RANBP9: variants seen among roughly 807,000 people sequenced by gnomAD.
RANBP9 encodes the protein RAN binding protein 9, also known as ran-binding protein 9.
Under a neutral mutation model 84.3 loss-of-function variants are expected in RANBP9, and 15 were observed. That is an observed-to-expected ratio of 0.18 (90% confidence interval 0.12 to 0.27). The LOEUF (loss-of-function observed/expected upper bound fraction) is 0.27. Ranked by LOEUF, RANBP9 falls within the 10% of genes least tolerant of loss-of-function variation. RANBP9 has a pLI of 1.00. For missense variants in RANBP9, 809 were observed against 912.8 expected, an observed-to-expected ratio of 0.89 and a Z score of 1.46; for synonymous variants, 392 against 349.6, an observed-to-expected ratio of 1.12 and a Z score of -1.35.
chr6:13,625,882 T>C lies in RANBP9; in HGVS notation c.1948-118A>G, dbSNP rs1391528424. 5 of 654,996 alleles carry C rather than the reference T, an allele frequency of 7.6e-6. No homozygotes were observed. In the East Asian group the frequency reaches 1.1e-4, roughly 14 times the overall value. 40.6% of individuals were successfully genotyped at this position (654,996 alleles called of 1,614,324 possible). On this transcript the variant is annotated intron_variant, in intron 12 of 13. Transcript: ENST00000011619. ...AGGCACAGACTAATAATGTAAACTT[T>C]AAACCCATTTACTCCCAGCACTGGG...
intron 1 of RANBP9, among the ~76,000 whole-genome samples, chr6:13,697,421 T>C (rs570879030): frequency 6.6e-6 from 1 of 152,362 alleles, no homozygotes; most frequent in African/African-American, 2.4e-5. Context: ...TTCTTTGGTA[T>C]AGTCTTATTA....
intron 13 of RANBP9, 117 bp from the exon 14 acceptor site, chr6:13,622,609 A>G: frequency 2.7e-6 from 3 of 1,091,398 alleles, no homozygotes; most frequent in East Asian, 2.8e-5. Flanking sequence ...CCACTCTGAA[A>G]TATCAGCAAA....
chr6:13,634,305 T>A (rs1764877065), intron 11 of RANBP9, 126 bp downstream of exon 11: 2 of 1,189,290 alleles, frequency 1.7e-6, no homozygotes, highest in Non-Finnish European at 2.3e-6. Context: ...TGCATTACTG[T>A]CAAGTCCTAC....
chr6:13,622,223 A>C lies in RANBP9; in HGVS notation c.*139T>G, dbSNP rs1184367202. On this transcript the variant is annotated 3_prime_UTR_variant, in exon 14 of 14. Coordinates refer to ENST00000011619, the MANE Select transcript of RANBP9 (RefSeq NM_005493.3). ...AGAAAATCATTTGCATCATGCTGTA[A>C]ACTAGGAAGCAATGTAAAGCGACAA... 3 of 830,574 alleles carry C rather than the reference A, an allele frequency of 3.6e-6. No individual in the cohort carries two copies. The highest frequency in any genetic ancestry group is 5.0e-6 in the Non-Finnish European group (3 of 604,802). The allele number at this position is 830,574 out of a possible 1,614,324, so 51.5% of individuals were successfully genotyped here. A position where few individuals can be genotyped will look rare whatever the true frequency, so the allele number is the denominator to read the frequency against.
chr6:13,703,224 C>CCAGA lies in RANBP9; in HGVS notation c.572-6329_572-6328insTCTG, dbSNP rs752221769. 3.3e-5 allele frequency among the ~76,000 whole-genome samples: 5 copies of CCAGA among 152,314 alleles called. No individual in the cohort carries two copies. In the South Asian group the frequency reaches 8.3e-4, roughly 25 times the overall value. On this transcript the variant is annotated intron_variant, in intron 1 of 13. Transcript: ENST00000011619. ...AATCTCCTTGATGTCTGGGGACCTA[C>CCAGA]CATTTCTTTTGTGCTCCCTCTAGTC...
chr6:13,693,421 C>G (rs558228237), intron 2 of RANBP9, among the ~76,000 whole-genome samples: 30 of 152,132 alleles, frequency 2.0e-4, no homozygotes, highest in Non-Finnish European at 3.4e-4. Context: ...GTGCTAAGAT[C>G]AACAGGAACT....
chr6:13,690,877 T>C (rs988035512), intron 2 of RANBP9, among the ~76,000 whole-genome samples: 1 of 152,046 alleles, frequency 6.6e-6, no homozygotes, highest in Non-Finnish European at 1.5e-5. Flanking sequence ...CTAAAGAAGT[T>C]ATGCAGGGCC....
intron 1 of RANBP9, among the ~76,000 whole-genome samples, chr6:13,704,446 G>A (rs938811792): frequency 2.6e-5 from 4 of 152,030 alleles, no homozygotes; most frequent in Non-Finnish European, 5.9e-5. Flanking sequence ...TGGGCAACAT[G>A]GCAAAACCCC....
chr6:13,658,986 C>A (rs1399388775), intron 2 of RANBP9, among the ~76,000 whole-genome samples, 154 bp from the exon 3 acceptor site: 1 of 152,078 alleles, frequency 6.6e-6, no homozygotes, highest in Non-Finnish European at 1.5e-5. Flanking sequence ...TATGTAACAA[C>A]AACGGGCAAT....
At position 13,626,930 on chromosome 6, in the gene RANBP9, AAAG is replaced by A. The variant is rs546422224; in HGVS notation, c.1948-1169_1948-1167del. ...AATAAGCCTCTAATATTGTGGATTTAAAGAAGAATAACCCATGAAGAAATGCTG... is the reference window on the plus strand; with the variant it reads ...AATAAGCCTCTAATATTGTGGATTTAAAGAATAACCCATGAAGAAATGCTG... On this transcript the variant is annotated intron_variant, in intron 12 of 13. Transcript: ENST00000011619. Among the ~76,000 whole-genome samples, 20 of 152,310 alleles carry A rather than the reference AAAG, an allele frequency of 1.3e-4. No homozygotes were observed. The South Asian group carries it at 2.1e-3, about 16-fold the overall frequency.
intron 2 of RANBP9, among the ~76,000 whole-genome samples, chr6:13,688,404 C>G (rs1344705145): frequency 6.6e-6 from 1 of 152,176 alleles, no homozygotes; most frequent in African/African-American, 2.4e-5. Context: ...CTTCCCTGAT[C>G]ACCACCCTGT....
intron 5 of RANBP9, among the ~76,000 whole-genome samples, chr6:13,647,658 G>A (rs370243374): frequency 1.3e-5 from 2 of 152,214 alleles, no homozygotes; most frequent in Middle Eastern, 6.8e-3. Flanking sequence ...TAGCCAAAGA[G>A]ACTGGGATTA....
At chr6:13,660,603 AG>A (rs1432278282) in intron 2 of RANBP9, among the ~76,000 whole-genome samples, 2 of 152,366 alleles carry the variant, frequency 1.3e-5, no homozygotes, top group East Asian at 3.9e-4. Flanking sequence ...ATATTCCAAC[AG>A]AAGTTTTAAA....
chr6:13,650,582 G>A (rs62387399), intron 5 of RANBP9, among the ~76,000 whole-genome samples: 5,698 of 152,224 alleles, frequency 0.037, 157 homozygotes, highest in Non-Finnish European at 0.058. Flanking sequence ...TCTTGGGACT[G>A]AGTTGCTTTT....
At chr6:13,659,018 G>T (rs962582551) in intron 2 of RANBP9, among the ~76,000 whole-genome samples, 186 bp from the exon 3 acceptor site, 2 of 152,092 alleles carry the variant, frequency 1.3e-5, no homozygotes, top group Admixed American at 6.5e-5. Flanking sequence ...GTAATACTCA[G>T]ACTTCACAGC....
intron 4 of RANBP9, 95 bp from the exon 5 acceptor site, chr6:13,652,776 CA>C (rs1765324569): frequency 9.3e-7 from 1 of 1,077,612 alleles, no homozygotes; most frequent in Admixed American, 2.3e-5. Context: ...AAACAAATGG[CA>C]AAAGAAAAAA....
chr6:13,670,821 A>AG (rs1765763022), intron 2 of RANBP9, among the ~76,000 whole-genome samples: 1 of 150,908 alleles, frequency 6.6e-6, no homozygotes, highest in Non-Finnish European at 1.5e-5. Flanking sequence ...AAAAAAAAAA[A>AG]GTAGACAAAC....
intron 12 of RANBP9, among the ~76,000 whole-genome samples, chr6:13,629,277 C>A (rs149867387): frequency 6.6e-6 from 1 of 151,940 alleles, no homozygotes; most frequent in African/African-American, 2.4e-5. Context: ...CACCCAGCCT[C>A]GTGTAGTTAT....
At chr6:13,652,927 C>T in intron 4 of RANBP9, among the ~76,000 whole-genome samples, 1 of 152,098 alleles carries the variant, frequency 6.6e-6, no homozygotes, top group East Asian at 1.9e-4. Context: ...GAGATGCTGC[C>T]ATTGTCTCCA....
Sources: gnomAD v4.1 joint callset for allele counts (sites outside exome capture counted in the v4.1 genomes callset) on GRCh38, gnomAD v4.1.1 for gene constraint, MANE v1.5 for transcripts, NCBI Gene and HGNC (gene_info 2026-07-23, HGNC 2026-07-21) for gene names.